RBMS3: variants seen among roughly 807,000 people sequenced by gnomAD.
RBMS3 encodes RNA-binding motif, single-stranded-interacting protein 3.
A neutral mutation model predicts 66.8 loss-of-function variants in RBMS3; 27 were observed. The ratio of observed to expected loss-of-function variants is 0.40; its 90% CI spans 0.30 to 0.56. The LOEUF is 0.56. Ranked by LOEUF, RBMS3 falls within the 20% of genes least tolerant of loss-of-function variation. RBMS3 has a pLI of 0.40. For synonymous variants in RBMS3, 188 were observed against 183.0 expected (o/e 1.03, Z -0.22); for missense variants, 513 against 549.5 (o/e 0.93, Z 0.66).
intron 4 of RBMS3, among the ~76,000 whole-genome samples, chr3:29,656,112 C>T (rs2050318845): frequency 6.6e-6 from 1 of 151,746 alleles, no homozygotes; most frequent in African/African-American, 2.4e-5. Flanking sequence ...AAAAAAGTTA[C>T]AGTAAGATAA....
intron 3 of RBMS3, among the ~76,000 whole-genome samples, chr3:29,583,021 C>G (rs991424588): frequency 6.6e-6 from 1 of 152,142 alleles, no homozygotes; most frequent in East Asian, 1.9e-4. Context: ...ATTTATGAAG[C>G]CTTTATCCCC....
intron 4 of RBMS3, among the ~76,000 whole-genome samples, chr3:29,644,592 T>C (rs569380121): frequency 6.6e-6 from 1 of 152,158 alleles, no homozygotes; most frequent in Non-Finnish European, 1.5e-5. Flanking sequence ...ATCTCACAAA[T>C]GCTATTGATA....
At chr3:29,395,995 C>G (rs930190634) in intron 1 of RBMS3, among the ~76,000 whole-genome samples, 1 of 152,124 alleles carries the variant, frequency 6.6e-6, no homozygotes, top group East Asian at 1.9e-4. Context: ...GGCATCTCTT[C>G]ATAAATTGCT....
chr3:29,439,648 T>C (rs2041542385), intron 2 of RBMS3, among the ~76,000 whole-genome samples: 1 of 151,888 alleles, frequency 6.6e-6, no homozygotes, highest in Non-Finnish European at 1.5e-5. Flanking sequence ...AGGGTACATG[T>C]GCACAATGTG....
chr3:29,286,877 A>G (rs1223104324), intron 1 of RBMS3, among the ~76,000 whole-genome samples: 1 of 152,140 alleles, frequency 6.6e-6, no homozygotes, highest in East Asian at 1.9e-4. Context: ...AATGTCAAAC[A>G]TTTTATTCAG....
At chr3:29,360,499 C>T (rs976763916) in intron 1 of RBMS3, among the ~76,000 whole-genome samples, 19 of 151,858 alleles carry the variant, frequency 1.3e-4, no homozygotes, top group Non-Finnish European at 2.5e-4. Flanking sequence ...GCTGTGGTGT[C>T]GTGCTGAGAA....
At chr3:29,503,121 A>AT (rs1446645224) in intron 3 of RBMS3, among the ~76,000 whole-genome samples, 1 of 152,080 alleles carries the variant, frequency 6.6e-6, no homozygotes, top group African/African-American at 2.4e-5. Flanking sequence ...ATAAACAAAC[A>AT]TTTTCTATTT....
intron 4 of RBMS3, chr3:29,614,894 A>T (rs973248859): frequency 1.3e-5 from 2 of 152,212 alleles, no homozygotes; most frequent in Non-Finnish European, 2.9e-5. Context: ...TGTTTACTCT[A>T]TAAGGGAGTA....
At chr3:29,958,232 T>C (rs577088931) in intron 12 of RBMS3, among the ~76,000 whole-genome samples, 1 of 152,296 alleles carries the variant, frequency 6.6e-6, no homozygotes, top group Admixed American at 6.5e-5. Flanking sequence ...AAATATAATG[T>C]TTTCTAAATG....
intron 4 of RBMS3, among the ~76,000 whole-genome samples, chr3:29,720,931 A>G (rs2053617845): frequency 6.6e-6 from 1 of 152,090 alleles, no homozygotes; most frequent in Admixed American, 6.6e-5. Flanking sequence ...TTTTAAACCA[A>G]ATGAAAGCTG....
intron 3 of RBMS3, among the ~76,000 whole-genome samples, chr3:29,561,868 T>G (rs1029394720): frequency 1.3e-5 from 2 of 152,236 alleles, no homozygotes; most frequent in African/African-American, 4.8e-5. Flanking sequence ...CACATGTATT[T>G]CTTCTTTTGA....
chr3:29,335,034 C>T lies in RBMS3; in HGVS notation c.75+53278C>T, dbSNP rs180901241. Among the ~76,000 whole-genome samples, 101 of 152,198 alleles carry T rather than the reference C, an allele frequency of 6.6e-4. 1 individual carries two copies. The highest frequency in any genetic ancestry group is 1.5e-5 in the Non-Finnish European group (1 of 68,014). On this transcript the variant is annotated intron_variant, in intron 1 of 14. Transcript: ENST00000383767. ...TCATCAGTTATGTTTTAATAGCAGG[C>T]ATTTTCCTCCTGACTATAGGTCTGC...
chr3:29,404,628 A>G (rs1447464137), intron 1 of RBMS3, among the ~76,000 whole-genome samples: 5 of 152,118 alleles, frequency 3.3e-5, no homozygotes, highest in African/African-American at 1.2e-4. Context: ...CTTCCTGGGT[A>G]GCTCTGGACT....
chr3:29,658,588 A>C (rs2050409477), intron 4 of RBMS3, among the ~76,000 whole-genome samples: 1 of 152,226 alleles, frequency 6.6e-6, no homozygotes, highest in Admixed American at 6.5e-5. Flanking sequence ...TTCGTGATGC[A>C]AAATACTTGA....
chr3:29,379,882 A>C (rs1031032244), intron 1 of RBMS3, among the ~76,000 whole-genome samples: 2 of 152,208 alleles, frequency 1.3e-5, no homozygotes, highest in East Asian at 3.9e-4. Context: ...GCTCTAAAGG[A>C]AATAAGCAAG....
chr3:29,472,771 G>A (rs994714938), intron 2 of RBMS3, among the ~76,000 whole-genome samples: 10 of 152,100 alleles, frequency 6.6e-5, no homozygotes, highest in Non-Finnish European at 1.5e-4. Context: ...AGCTCATAAA[G>A]GCAGTGTGGA....
chr3:29,394,100 AAC>A (rs2039434918), intron 1 of RBMS3, among the ~76,000 whole-genome samples: 2 of 152,140 alleles, frequency 1.3e-5, no homozygotes, highest in South Asian at 4.1e-4. Context: ...ACTGCAGGAG[AAC>A]AGGGTGTATT....
chr3:29,546,172 A>G (rs1406326839), intron 3 of RBMS3, among the ~76,000 whole-genome samples: 1 of 151,532 alleles, frequency 6.6e-6, no homozygotes, highest in Admixed American at 6.6e-5. Context: ...AAATATGCAC[A>G]TACACATTTA....
chr3:29,464,667 A>C (rs2042478027), intron 2 of RBMS3, among the ~76,000 whole-genome samples: 1 of 152,190 alleles, frequency 6.6e-6, no homozygotes, highest in African/African-American at 2.4e-5. Flanking sequence ...GTCAGGGGAT[A>C]CAGGTGATTG....
Sources: gnomAD v4.1 joint callset for allele counts (sites outside exome capture counted in the v4.1 genomes callset) on GRCh38, gnomAD v4.1.1 for gene constraint, MANE v1.5 for transcripts, NCBI Gene and HGNC (gene_info 2026-07-23, HGNC 2026-07-21) for gene names.